The following APC2 variants were observed in gnomAD, a reference collection of about 807,000 sequenced individuals.
APC2 encodes the protein APC regulator of Wnt signaling pathway 2.
APC2 carries 41 observed loss-of-function variants against 72.5 expected under a neutral mutation model. That is an observed-to-expected ratio of 0.57 (90% confidence interval 0.44 to 0.73). The LOEUF is 0.73. Among genes scored for constraint, APC2 ranks in the 30% least tolerant of loss-of-function variants. The pLI is 0.00. For synonymous variants in APC2, 1,898 were observed against 1,612.0 expected (o/e 1.18, Z -4.25); for missense variants, 3,729 against 3,403.4 (o/e 1.10, Z -2.38).
At chr19:1,461,736 C>T in intron 13 of APC2, 1 of 549,944 alleles carries the variant, frequency 1.8e-6, no homozygotes, top group South Asian at 2.4e-5. Flanking sequence ...TCTGTAGTCC[C>T]AGCTACTCCG....
chr19:1,459,498 G>A (rs1394908439), intron 10 of APC2, among the ~76,000 whole-genome samples: 1 of 152,222 alleles, frequency 6.6e-6, no homozygotes, highest in African/African-American at 2.4e-5. Context: ...GAATCGTGCT[G>A]TGGTGAACCT....
In APC2 at chr19:1,466,880, C is replaced by T; in HGVS notation, c.3579C>T (p.Ile1193=). The T allele has an allele frequency of 6.4e-7, 1 of 1,569,478 alleles. No individual in the cohort carries two copies. The highest frequency in any genetic ancestry group is 8.6e-7 in the Non-Finnish European group (1 of 1,158,540). The change falls in exon 15 of 15, where the codon ATC becomes ATT. Residue 1193 remains isoleucine, a synonymous_variant. Transcript: ENST00000590469. ...EPCSGQGSGT[I]SPSELPDSPG... ...GCAGCGGGCAGGGCAGCGGCACCAT[C>T]AGCCCTAGCGAGCTGCCCGACAGCC... is the stretch of plus-strand genomic sequence containing the variant.
rs2084025862 is a variant in APC2, at chr19:1,466,863, C to G, written c.3562C>G (p.Gln1188Glu). The G allele has an allele frequency of 6.4e-7, 1 of 1,562,380 alleles. No homozygotes were observed. Among genetic ancestry groups the G allele is most frequent in the Middle Eastern group, 1.7e-4 (1 of 6,016 alleles). Reference sequence around the variant, plus strand: ...CATCCCCAGTGAACCTTGCAGCGGGCAGGGCAGCGGCACCATCAGCCCTAG... The same window carrying G: ...CATCCCCAGTGAACCTTGCAGCGGGGAGGGCAGCGGCACCATCAGCCCTAG... Reference protein sequence around the residue: ...SSIPSEPCSGQGSGTISPSEL... With the variant: ...SSIPSEPCSGEGSGTISPSEL... The change falls in exon 15 of 15, where the codon CAG (glutamine) becomes GAG (glutamate). Residue 1188 changes from glutamine (Q) to glutamate (E), a missense_variant. Coordinates refer to ENST00000590469, the MANE Select transcript of APC2 (RefSeq NM_005883.3).
rs202199844 is a variant in APC2, at chr19:1,470,159, C to A, written c.6858C>A (p.Thr2286=). The change falls in exon 15 of 15, where the codon ACC becomes ACA. Residue 2286 remains threonine, a synonymous_variant. Transcript: ENST00000590469. ...GCCCCATGGTGGTCGCAGCCACCAC[C>A]GACTCGGCCGCGGAGAAAGCCCCGG... ...VPSPMVVAAT[T]DSAAEKAPAT... is the part of the protein sequence containing the mutation. The A allele has an allele frequency of 8.9e-5, 142 of 1,603,732 alleles. No individual in the cohort carries two copies. In the East Asian group the frequency reaches 3.1e-3, roughly 35 times the overall value.
At chr19:1,461,703 T>C (rs2083926968) in intron 13 of APC2, 1 of 479,630 alleles carries the variant, frequency 2.1e-6, no homozygotes, top group East Asian at 3.5e-5. Context: ...ATACAAAAAA[T>C]TAGCCGGGCG....
rs763714169 is a variant in APC2 at position 1,466,947 on chromosome 19, C to A, written c.3646C>A (p.Leu1216Met). The A allele has an allele frequency of 1.2e-6, 2 of 1,601,808 alleles. No homozygotes were observed. Among genetic ancestry groups the A allele is most frequent in the Non-Finnish European group, 1.7e-6 (2 of 1,174,628 alleles). The change falls in exon 15 of 15, where the codon CTG becomes ATG. Residue 1216 changes from leucine (L) to methionine (M), a missense_variant. Physicochemically the swap from Leu to Met is conservative, Grantham distance 15. Coordinates refer to ENST00000590469, the MANE Select transcript of APC2 (RefSeq NM_005883.3). ...MPPSRSKTPP[L>M]APAPQGPPEA... ...TCCCAGCCGGAGCAAGACGCCACCG[C>A]TGGCGCCCGCGCCACAGGGTCCCCC... is the stretch of plus-strand genomic sequence containing the variant.
rs2084138365 is a variant in APC2 at position 1,471,759 on chromosome 19, C to T, written c.*1546C>T. 1 of 152,290 alleles carries T rather than the reference C, an allele frequency of 6.6e-6. No homozygotes were observed. Among genetic ancestry groups the T allele is most frequent in the Non-Finnish European group, 1.5e-5 (1 of 68,136 alleles). The allele number at this position is 152,290 out of a possible 1,614,324, so 9.4% of individuals were successfully genotyped here. A position where few individuals can be genotyped will look rare whatever the true frequency, so the allele number is the denominator to read the frequency against. On this transcript the variant is annotated 3_prime_UTR_variant, in exon 15 of 15. Coordinates refer to ENST00000590469, the MANE Select transcript of APC2 (RefSeq NM_005883.3). ...ACCCCAGCCCCACCACGGATGACAC[C>T]ATCCCTCCCGTCCCATCCCCAGCAT... is the stretch of plus-strand genomic sequence containing the variant.
rs1405336762 is a variant in APC2, at chr19:1,466,652, C to T, written c.3351C>T (p.Pro1117=). The T allele has an allele frequency of 4.7e-6, 7 of 1,494,460 alleles. No homozygotes were observed. In the East Asian group the frequency reaches 1.2e-4, roughly 26 times the overall value. The allele number at this position is 1,494,460 out of a possible 1,614,324, so 92.6% of individuals were successfully genotyped here. A position where few individuals can be genotyped will look rare whatever the true frequency, so the allele number is the denominator to read the frequency against. ...EAELDSTWRA[P]GATSLPVAIP... ...AGCTGGACAGCACGTGGCGGGCGCC[C>T]GGGGCCACCTCGCTGCCCGTAGCCA... Residue 1117 remains proline, a synonymous_variant, in exon 15 of 15, where the codon CCC becomes CCT. Transcript: ENST00000590469.
At chr19:1,458,384 T>G (rs1286528787) in intron 10 of APC2, 2 of 343,218 alleles carry the variant, frequency 5.8e-6, no homozygotes, top group Non-Finnish European at 1.1e-5. Flanking sequence ...GAATTGGAAC[T>G]GTAGGGGGTG....
chr19:1,460,655 G>A (rs912263969), intron 11 of APC2, 125 bp from the exon 12 acceptor site: 25 of 1,049,206 alleles, frequency 2.4e-5, no homozygotes, highest in Middle Eastern at 2.1e-4. Flanking sequence ...AACCGTCCCC[G>A]GTAGTGGTCA....
Position 1,456,102 on chromosome 19 carries a change from T to C in APC2, c.666T>C (p.Ile222=). The part of the protein sequence containing the change: ...AQIRASRLEQ[I]DKELLEAQDR... ...TCCGCGCCTCGCGCCTGGAGCAGAT[T>C]GACAAGGAGCTGCTGGAGGCGCAGG... Residue 222 remains isoleucine (I), a synonymous_variant, in exon 7 of 15, where the codon ATT becomes ATC. Transcript: ENST00000590469. 1.3e-6 allele frequency: 2 copies of C among 1,589,842 alleles called. No individual in the cohort carries two copies. The highest frequency in any genetic ancestry group is 1.7e-6 in the Non-Finnish European group (2 of 1,170,744).
chr19:1,455,392 G>C lies in APC2; in HGVS notation c.531G>C (p.Ser177=), dbSNP rs1215802546. 1 of 1,609,038 alleles carries C rather than the reference G, an allele frequency of 6.2e-7. No homozygotes were observed. The highest frequency in any genetic ancestry group is 8.5e-7 in the Non-Finnish European group (1 of 1,178,290). ...DELPHVETQF[S]MQMDLIRQQL... ...CCGCCTGCCTTTGCCAGCAGTTCTC[G>C]ATGCAGATGGACCTGATCCGGCAGC... The change falls in exon 6 of 15, where the codon TCG becomes TCC. Residue 177 remains serine (S), a synonymous_variant. Coordinates refer to ENST00000590469, the MANE Select transcript of APC2 (RefSeq NM_005883.3).
chr19:1,457,449 C>A, intron 9 of APC2: 1 of 699,012 alleles, frequency 1.4e-6, no homozygotes, highest in Non-Finnish European at 2.2e-6. Context: ...AGTAAACGCT[C>A]GGGAAGTCGC....
chr19:1,472,034 G>C lies in APC2; in HGVS notation c.*1821G>C, dbSNP rs536643705. 6.6e-6 allele frequency: 1 copy of C among 152,550 alleles called. No homozygotes were observed. Among genetic ancestry groups the C allele is most frequent in the South Asian group, 2.1e-4 (1 of 4,836 alleles). 9.4% of individuals were successfully genotyped at this position (152,550 alleles called of 1,614,324 possible). On this transcript the variant is annotated 3_prime_UTR_variant, in exon 15 of 15. Coordinates refer to ENST00000590469, the MANE Select transcript of APC2 (RefSeq NM_005883.3). ...GCTCCCTCCTAGGACCTCGCAGCCA[G>C]GCAAGGCTGTCAGGTTGTTTTGGGG...
At chr19:1,449,194 G>A (rs1399180917), upstream of APC2, among the ~76,000 whole-genome samples, 2 of 152,190 alleles carry the variant, frequency 1.3e-5, no homozygotes, top group Admixed American at 6.5e-5. Flanking sequence ...AGGGTTGAGC[G>A]GCGAATGATT....
At chr19:1,462,763 G>A (rs1446526633) in intron 14 of APC2, among the ~76,000 whole-genome samples, 2 of 150,680 alleles carry the variant, frequency 1.3e-5, no homozygotes, top group African/African-American at 4.9e-5. Context: ...GAGGTCAGGA[G>A]ATCGAGACCA....
At chr19:1,456,047 A>T in intron 6 of APC2, 29 bp from the exon 7 acceptor site, 3 of 1,521,078 alleles carry the variant, frequency 2.0e-6, no homozygotes, top group Non-Finnish European at 1.8e-6. Flanking sequence ...GGTCAGCTCC[A>T]GCACTTGCCC....
At chr19:1,448,746 A>C (rs1189969077), upstream of APC2, among the ~76,000 whole-genome samples, 1 of 150,800 alleles carries the variant, frequency 6.6e-6, no homozygotes, top group African/African-American at 2.4e-5. Context: ...CGGGAGGCTG[A>C]GGCAGGAGAA....
chr19:1,455,511 GGGCGGGGTGGCGCGGCGGTA>G lies in APC2; in HGVS notation c.639+19_639+38del, dbSNP rs747578381. 1.9e-5 allele frequency: 30 copies of G among 1,594,338 alleles called. No homozygotes were observed. In the East Asian group the frequency reaches 4.1e-4, roughly 22 times the overall value. On this transcript the variant is annotated intron_variant, in intron 6 of 14. Transcript: ENST00000590469. ...GTGCAGCGGGCACAGGTGCGGCGGTGGGCGGGGTGGCGCGGCGGTAGGCGGGGCCCTGCGCCAGTGGGCAA... is the reference window on the plus strand; with the variant it reads ...GTGCAGCGGGCACAGGTGCGGCGGTGGGCGGGGCCCTGCGCCAGTGGGCAA...
Sources: allele counts gnomAD v4.1 joint callset (sites outside exome capture counted in the v4.1 genomes callset), GRCh38; gene constraint gnomAD v4.1.1; transcripts MANE v1.5; gene names NCBI Gene and HGNC (gene_info 2026-07-23, HGNC 2026-07-21).